Variants in GSE1 observed in about 807,000 individuals in gnomAD.
GSE1 encodes the protein genetic suppressor element 1.
In GSE1, 32 loss-of-function variants were observed where a neutral mutation model predicts 112.6. The observed-to-expected ratio is 0.28, with a 90% CI of 0.21 to 0.38. The LOEUF is 0.38. Ranked by LOEUF, GSE1 falls within the 10% of genes least tolerant of loss-of-function variation. The probability of loss-of-function intolerance (pLI) is 1.00; values close to 1 mark genes in which losing one functional copy is unlikely to be tolerated. For missense variants in GSE1, 2,348 were observed against 1,699.2 expected (o/e 1.38, Z -6.71); for synonymous variants, 1,115 against 735.6 (o/e 1.52, Z -8.35).
At chr16:85,582,267 C>T (rs1367157565) in intron 1 of GSE1, 2 of 152,272 alleles carry the variant, frequency 1.3e-5, no homozygotes, top group African/African-American at 4.8e-5. Flanking sequence ...ATTAATGTGT[C>T]TCGGCGAGAA....
intron 2 of GSE1, among the ~76,000 whole-genome samples, chr16:85,436,986 C>T (rs926352419): frequency 2.6e-5 from 4 of 152,174 alleles, no homozygotes; most frequent in Non-Finnish European, 4.4e-5. Context: ...TCGAGGTCGA[C>T]GCGGCGGAGC....
At chr16:85,202,859 C>T (rs917702374) in intron 1 of GSE1, among the ~76,000 whole-genome samples, 4 of 152,198 alleles carry the variant, frequency 2.6e-5, no homozygotes, top group Non-Finnish European at 2.9e-5. Flanking sequence ...CCTTGTCCTG[C>T]GCTCGCCCTG....
chr16:85,170,233 G>A, exon 1 of GSE1: 1 of 985,460 alleles, frequency 1.0e-6, no homozygotes, highest in South Asian at 4.7e-5. Flanking sequence ...GGAGGAGGAG[G>A]GGCTCCCCGC....
rs146057818 is a variant in GSE1 at position 85,424,168 on chromosome 16, G to A, written c.2464+66525G>A. ...CTTGTCCTCCTAATAATGACAACCC[G>A]CTTTAATGCATTTGTTCGTTCATTG... On this transcript the variant is annotated intron_variant, in intron 2 of 2. Coordinates refer to the GSE1 transcript ENST00000637419. 7.2e-5 allele frequency among the ~76,000 whole-genome samples: 11 copies of A among 152,330 alleles called. No homozygotes were observed. The East Asian group carries it at 1.7e-3, about 24-fold the overall frequency.
intron 1 of GSE1, among the ~76,000 whole-genome samples, chr16:85,252,519 G>A (rs1203002006): frequency 1.3e-5 from 2 of 152,240 alleles, no homozygotes; most frequent in Non-Finnish European, 2.9e-5. Flanking sequence ...ATCTGCAGGC[G>A]CCAGCACTCT....
intron 2 of GSE1, among the ~76,000 whole-genome samples, chr16:85,387,926 G>A (rs949398105): frequency 1.3e-5 from 2 of 151,520 alleles, no homozygotes; most frequent in African/African-American, 4.9e-5. Flanking sequence ...GTGAGTGGAT[G>A]GATGGATGGA....
At chr16:85,209,568 C>G (rs1394710205) in intron 1 of GSE1, among the ~76,000 whole-genome samples, 1 of 152,182 alleles carries the variant, frequency 6.6e-6, no homozygotes, top group Non-Finnish European at 1.5e-5. Context: ...ATAAGCAACT[C>G]ACAGTTCCAG....
chr16:85,615,462 G>A (rs1451637267), intron 1 of GSE1, among the ~76,000 whole-genome samples: 1 of 152,172 alleles, frequency 6.6e-6, no homozygotes, highest in African/African-American at 2.4e-5. Context: ...ACCAAAGTCA[G>A]GAGGGGAAGC....
chr16:85,397,341 T>G (rs894211795), intron 2 of GSE1, among the ~76,000 whole-genome samples: 3 of 152,342 alleles, frequency 2.0e-5, no homozygotes, highest in East Asian at 1.9e-4. Flanking sequence ...GGCACTCAAG[T>G]GACACTCAGT....
chr16:85,418,570 C>T (rs1244164463), intron 2 of GSE1, among the ~76,000 whole-genome samples: 1 of 152,234 alleles, frequency 6.6e-6, no homozygotes, highest in African/African-American at 2.4e-5. Context: ...CCTGCCCCTC[C>T]CAGGAGCCAG....
Position 85,225,350 on chromosome 16 carries a change from G to A in GSE1, c.2283+53543G>A, listed in dbSNP as rs536155379. ...AGGAGAGGGGTGTTCCTGGCAGAGAGCAGAGCAGTCAGTGCAGAGGGCCCG... is the reference window on the plus strand; with the variant it reads ...AGGAGAGGGGTGTTCCTGGCAGAGAACAGAGCAGTCAGTGCAGAGGGCCCG... On this transcript the variant is annotated intron_variant, in intron 1 of 2. Coordinates refer to the GSE1 transcript ENST00000637419. 4.1e-4 allele frequency among the ~76,000 whole-genome samples: 62 copies of A among 152,196 alleles called. 3 individuals are homozygous for A. Among genetic ancestry groups the A allele is most frequent in the Non-Finnish European group, 3.1e-4 (21 of 68,040 alleles).
At chr16:85,610,335 A>G (rs540815547), upstream of GSE1, among the ~76,000 whole-genome samples, 2 of 152,342 alleles carry the variant, frequency 1.3e-5, no homozygotes, top group Admixed American at 6.5e-5. Context: ...CCAGGGAAAG[A>G]GAGCTGTGCC....
chr16:85,541,369 G>A (rs140438593), intron 2 of GSE1, among the ~76,000 whole-genome samples: 7 of 152,354 alleles, frequency 4.6e-5, no homozygotes, highest in Admixed American at 1.3e-4. Flanking sequence ...TGCCAGAGGC[G>A]GAGCCTGGGT....
chr16:85,249,722 G>A (rs73257954), intron 1 of GSE1, among the ~76,000 whole-genome samples: 7,834 of 152,266 alleles, frequency 0.051, 659 homozygotes, highest in African/African-American at 0.18. Context: ...TTTGGGAAGG[G>A]GGTGTTCTGG....
At chr16:85,394,707 T>A (rs7194370) in intron 2 of GSE1, among the ~76,000 whole-genome samples, 2 of 152,142 alleles carry the variant, frequency 1.3e-5, no homozygotes, top group African/African-American at 4.8e-5. Flanking sequence ...TTTGTCTTAG[T>A]TGGAGCAGAA....
chr16:85,407,956 A>G (rs145388981), intron 2 of GSE1, among the ~76,000 whole-genome samples: 15 of 44,542 alleles, frequency 3.4e-4, no homozygotes, highest in South Asian at 2.4e-3. Flanking sequence ...CCTCACCGTT[A>G]CACTCAGGGT....
intron 1 of GSE1, among the ~76,000 whole-genome samples, chr16:85,265,035 A>G (rs935364202): frequency 1.6e-4 from 25 of 152,294 alleles, no homozygotes; most frequent in African/African-American, 4.8e-4. Flanking sequence ...CCACTGTGAC[A>G]CCCGGAGCAG....
intron 2 of GSE1, among the ~76,000 whole-genome samples, chr16:85,492,178 G>A (rs74454819): frequency 6.6e-6 from 1 of 152,184 alleles, no homozygotes; most frequent in Non-Finnish European, 1.5e-5. Flanking sequence ...GCTTTTTGGC[G>A]GGGACACAGG....
rs1357158914 is a variant in GSE1, at chr16:85,462,908, C to T, written c.2464+105265C>T. On this transcript the variant is annotated intron_variant, in intron 2 of 2. Coordinates refer to the GSE1 transcript ENST00000637419. ...GCAGGGCGCACCGCGCAGGGACGCCCCGGCTGCTCCGTGCCGCCCCGCAGA... is the reference window on the plus strand; with the variant it reads ...GCAGGGCGCACCGCGCAGGGACGCCTCGGCTGCTCCGTGCCGCCCCGCAGA... 1.3e-5 allele frequency among the ~76,000 whole-genome samples: 2 copies of T among 151,078 alleles called. 1 individual carries two copies. Among genetic ancestry groups the T allele is most frequent in the Middle Eastern group, 6.9e-3 (2 of 290 alleles).
Sources: allele counts gnomAD v4.1 joint callset (sites outside exome capture counted in the v4.1 genomes callset), GRCh38; gene constraint gnomAD v4.1.1; transcripts MANE v1.5; gene names NCBI Gene and HGNC (gene_info 2026-07-23, HGNC 2026-07-21).